PTPRN2: variants seen among roughly 807,000 people sequenced by gnomAD.
The protein encoded by PTPRN2 is protein tyrosine phosphatase receptor type N2.
Under a neutral mutation model 118.8 loss-of-function variants are expected in PTPRN2, and 74 were observed. That is an observed-to-expected ratio of 0.62 (90% confidence interval 0.52 to 0.76). PTPRN2 has a LOEUF of 0.76. Ranked by LOEUF, PTPRN2 falls within the 30% of genes least tolerant of loss-of-function variation. The probability of loss-of-function intolerance (pLI) is 0.00; values close to 1 mark genes in which losing one functional copy is unlikely to be tolerated. For missense variants in PTPRN2, 1,481 were observed against 1,394.4 expected (o/e 1.06, Z -0.99); for synonymous variants, 641 against 608.0 (o/e 1.05, Z -0.80).
intron 12 of PTPRN2, among the ~76,000 whole-genome samples, chr7:157,820,343 GCACT>G (rs1341564519): frequency 1.4e-5 from 2 of 140,684 alleles, no homozygotes; most frequent in South Asian, 2.3e-4. Flanking sequence ...AGTCACATAT[GCACT>G]CAAACATACA....
At chr7:157,961,000 C>A (rs1300081638) in intron 11 of PTPRN2, among the ~76,000 whole-genome samples, 3 of 152,024 alleles carry the variant, frequency 2.0e-5, no homozygotes, top group Non-Finnish European at 4.4e-5. Flanking sequence ...GAGCGAGACT[C>A]CGTCTCAAAA....
Position 157,842,620 on chromosome 7 carries a change from G to A in PTPRN2, c.1788+56053C>T, listed in dbSNP as rs145506351. On this transcript the variant is annotated intron_variant, in intron 12 of 22. Transcript: ENST00000389418. ...AGTAGAGATGGGGTTTCACCATGTC[G>A]GTCAGGCTGGTTTCGAACTCCAGAC... Among the ~76,000 whole-genome samples, 57 of 151,936 alleles carry A rather than the reference G, an allele frequency of 3.8e-4. 1 individual carries two copies. In the East Asian group the frequency reaches 7.4e-3, roughly 20 times the overall value.
intron 12 of PTPRN2, among the ~76,000 whole-genome samples, chr7:157,687,322 TG>T (rs141603422): frequency 0.15 from 23,373 of 152,214 alleles, 1,896 homozygotes; most frequent in Admixed American, 0.2. Flanking sequence ...CAAAACTTTA[TG>T]GTAAATATGT....
intron 1 of PTPRN2, among the ~76,000 whole-genome samples, chr7:158,521,823 C>T (rs1185802452): frequency 2.9e-5 from 2 of 68,786 alleles, no homozygotes; most frequent in African/African-American, 1.1e-4. Flanking sequence ...GGGAGGTCCA[C>T]GTCACAATGG....
chr7:158,171,823 G>C (rs1249760040), intron 5 of PTPRN2, among the ~76,000 whole-genome samples: 1 of 152,188 alleles, frequency 6.6e-6, no homozygotes, highest in Non-Finnish European at 1.5e-5. Context: ...CCAATGAAGG[G>C]AGGTTTCCTA....
intron 2 of PTPRN2, among the ~76,000 whole-genome samples, chr7:158,441,001 TGGG>T (rs957975980): frequency 2.8e-5 from 4 of 143,278 alleles, no homozygotes; most frequent in East Asian, 2.0e-4. Flanking sequence ...ATGGCAGTGA[TGGG>T]GGTGGTGGTA....
Position 158,081,289 on chromosome 7 carries a change from C to T in PTPRN2, c.1723+9G>A, listed in dbSNP as rs201607517. On this transcript the variant is annotated intron_variant, in intron 11 of 22. Coordinates refer to ENST00000389418, the MANE Select transcript of PTPRN2 (RefSeq NM_002847.5). ...GTGTGCGTGTACGTGTGTGTGGAAACAGCCTCACCTGTGGCCTTCTCCACA... is the reference window on the plus strand; with the variant it reads ...GTGTGCGTGTACGTGTGTGTGGAAATAGCCTCACCTGTGGCCTTCTCCACA... 8.6e-4 allele frequency: 1,393 copies of T among 1,612,384 alleles called. 6 individuals carry two copies. Among genetic ancestry groups the T allele is most frequent in the Middle Eastern group, 4.6e-3 (28 of 6,048 alleles).
At chr7:158,192,890 G>T (rs1825893436) in intron 4 of PTPRN2, among the ~76,000 whole-genome samples, 1 of 152,220 alleles carries the variant, frequency 6.6e-6, no homozygotes, top group Non-Finnish European at 1.5e-5. Flanking sequence ...CCCAAGGCTT[G>T]GCATGGCTTC....
Position 157,756,935 on chromosome 7 carries a change from T to G in PTPRN2, c.1789-73998A>C, listed in dbSNP as rs540988359. Among the ~76,000 whole-genome samples, 54 of 152,272 alleles carry G rather than the reference T, an allele frequency of 3.5e-4. 1 individual carries two copies. Among genetic ancestry groups the G allele is most frequent in the Admixed American group, 3.2e-3 (49 of 15,296 alleles). ...TAAGCACATGAAGAAGAAAAAGTCT[T>G]TCTGCGAAACATGGACGGAGCCTGG... On this transcript the variant is annotated intron_variant, in intron 12 of 22. Transcript: ENST00000389418.
intron 12 of PTPRN2, among the ~76,000 whole-genome samples, chr7:157,796,302 T>C (rs1287287372): frequency 6.6e-6 from 1 of 152,200 alleles, no homozygotes; most frequent in Non-Finnish European, 1.5e-5. Context: ...ACTAAGCACA[T>C]GATTTTCCTA....
intron 1 of PTPRN2, among the ~76,000 whole-genome samples, chr7:158,573,350 C>CA (rs1456024326): frequency 6.6e-6 from 1 of 152,164 alleles, no homozygotes; most frequent in African/African-American, 2.4e-5. Flanking sequence ...TAAAGTCAAA[C>CA]AATTTTCAGA....
At chr7:158,164,011 T>G (rs1822634398) in intron 6 of PTPRN2, among the ~76,000 whole-genome samples, 1 of 152,208 alleles carries the variant, frequency 6.6e-6, no homozygotes, top group Non-Finnish European at 1.5e-5. Context: ...GGAAGTCAGT[T>G]TTTATCAGAA....
chr7:158,379,781 G>T (rs1233471455), intron 2 of PTPRN2, among the ~76,000 whole-genome samples: 1 of 152,182 alleles, frequency 6.6e-6, no homozygotes, highest in Non-Finnish European at 1.5e-5. Context: ...CCTTTTTCAT[G>T]CTGCTAATAA....
chr7:158,469,033 C>CA (rs1563330000), intron 2 of PTPRN2, among the ~76,000 whole-genome samples: 88 of 137,310 alleles, frequency 6.4e-4, no homozygotes, highest in South Asian at 9.3e-4. Flanking sequence ...ACACACACTC[C>CA]GGGTGGATCA....
intron 3 of PTPRN2, among the ~76,000 whole-genome samples, chr7:158,283,171 C>T (rs1455244647): frequency 2.6e-5 from 4 of 152,260 alleles, no homozygotes; most frequent in African/African-American, 7.2e-5. Flanking sequence ...CTTCTTGTTA[C>T]GTTCATGCCA....
intron 11 of PTPRN2, among the ~76,000 whole-genome samples, chr7:157,911,079 C>T (rs955303708): frequency 2.0e-5 from 3 of 152,182 alleles, no homozygotes; most frequent in Non-Finnish European, 4.4e-5. Context: ...TCTTCTTTGG[C>T]GGTGAGGCCA....
intron 11 of PTPRN2, among the ~76,000 whole-genome samples, chr7:158,043,965 G>A (rs1277518840): frequency 2.0e-5 from 3 of 152,216 alleles, no homozygotes; most frequent in African/African-American, 4.8e-5. Flanking sequence ...CACTCGACGT[G>A]GCAGAGGGAG....
intron 2 of PTPRN2, among the ~76,000 whole-genome samples, chr7:158,475,615 C>T (rs780328986): frequency 1.3e-5 from 2 of 152,142 alleles, no homozygotes; most frequent in East Asian, 1.9e-4. Flanking sequence ...AATACCTTCT[C>T]GGGGTTTTTA....
At chr7:157,744,617 T>C (rs1800815243) in intron 12 of PTPRN2, among the ~76,000 whole-genome samples, 1 of 152,212 alleles carries the variant, frequency 6.6e-6, no homozygotes, top group South Asian at 2.1e-4. Flanking sequence ...GGTCTGCTTT[T>C]GAATTTTAGA....
Sources: allele counts gnomAD v4.1 joint callset (sites outside exome capture counted in the v4.1 genomes callset), GRCh38; gene constraint gnomAD v4.1.1; transcripts MANE v1.5; gene names NCBI Gene and HGNC (gene_info 2026-07-23, HGNC 2026-07-21).